The following RANBP2 variants were observed in gnomAD, a reference collection of about 807,000 sequenced individuals.
RANBP2 encodes the protein RAN binding protein 2.
Under a neutral mutation model 303.6 loss-of-function variants are expected in RANBP2, and 57 were observed. That is an observed-to-expected ratio of 0.19 (90% CI 0.15 to 0.23). The LOEUF (loss-of-function observed/expected upper bound fraction) is 0.23. Ranked by LOEUF, RANBP2 falls within the 10% of genes least tolerant of loss-of-function variation. The pLI is 1.00. For synonymous variants in RANBP2, 1,167 were observed against 1,301.5 expected (o/e 0.90, Z 2.23); for missense variants, 3,138 against 3,780.8 (o/e 0.83, Z 4.46).
the RANBP2 span, among the ~76,000 whole-genome samples, chr2:108,927,524 G>A: frequency 6.6e-6 from 1 of 152,180 alleles, no homozygotes; most frequent in Non-Finnish European, 1.5e-5. Flanking sequence ...TGGCCTTCGG[G>A]TACTGATGGA....
chr2:109,113,568 T>G, the RANBP2 span, among the ~76,000 whole-genome samples: 1 of 152,244 alleles, frequency 6.6e-6, no homozygotes, highest in Non-Finnish European at 1.5e-5. Context: ...TATACAATCA[T>G]GTCATCTGCA....
chr2:109,593,382 T>C, the RANBP2 span, among the ~76,000 whole-genome samples: 3 of 150,794 alleles, frequency 2.0e-5, no homozygotes, highest in African/African-American at 4.9e-5. Context: ...TTAGTAAACT[T>C]CCATTTACAA....
At chr2:109,105,776 C>T in the RANBP2 span, among the ~76,000 whole-genome samples, 9 of 151,590 alleles carry the variant, frequency 5.9e-5, no homozygotes, top group African/African-American at 1.2e-4. Flanking sequence ...AGGCTGGTCT[C>T]GAACTCCTGA....
chr2:109,501,549 G>C, the RANBP2 span: 1 of 779,444 alleles, frequency 1.3e-6, no homozygotes, highest in African/African-American at 1.7e-5. Flanking sequence ...GGCGGAGATC[G>C]AGCTGAAGGA....
At chr2:108,773,860 G>C (rs1308564759) in intron 23 of RANBP2, among the ~76,000 whole-genome samples, 1 of 152,134 alleles carries the variant, frequency 6.6e-6, no homozygotes, top group Non-Finnish European at 1.5e-5. Context: ...TGTTGACCAG[G>C]ATGGTCTCAA....
chr2:109,636,967 A>T, the RANBP2 span, among the ~76,000 whole-genome samples: 1 of 152,188 alleles, frequency 6.6e-6, no homozygotes, highest in Non-Finnish European at 1.5e-5. Context: ...ACCAGCGCTC[A>T]GCATACCAAG....
the RANBP2 span, among the ~76,000 whole-genome samples, chr2:108,956,559 G>C: frequency 6.6e-6 from 1 of 152,190 alleles, no homozygotes; most frequent in African/African-American, 2.4e-5. Context: ...AAGGCACAAG[G>C]CTCCCTTGGG....
At chr2:109,452,449 C>G in the RANBP2 span, among the ~76,000 whole-genome samples, 4 of 152,210 alleles carry the variant, frequency 2.6e-5, no homozygotes, top group African/African-American at 9.6e-5. Flanking sequence ...CTCCTCACTC[C>G]CACATCCACT....
chr2:109,300,261 C>T, the RANBP2 span, among the ~76,000 whole-genome samples: 1 of 152,068 alleles, frequency 6.6e-6, no homozygotes, highest in African/African-American at 2.4e-5. Context: ...GTGCAGTGAA[C>T]CTCCACCTCC....
At chr2:109,212,329 A>G in the RANBP2 span, among the ~76,000 whole-genome samples, 42 of 152,230 alleles carry the variant, frequency 2.8e-4, no homozygotes, top group African/African-American at 9.9e-4. Flanking sequence ...TTTCAATTAG[A>G]GTCTGACCAT....
At chr2:109,370,014 C>T in the RANBP2 span, among the ~76,000 whole-genome samples, 3 of 152,226 alleles carry the variant, frequency 2.0e-5, no homozygotes, top group Non-Finnish European at 4.4e-5. Context: ...TCAAGTCACA[C>T]ATGGGCCAGC....
At chr2:108,774,497 C>G (rs1208678323) in intron 23 of RANBP2, among the ~76,000 whole-genome samples, 1 of 152,108 alleles carries the variant, frequency 6.6e-6, no homozygotes, top group Non-Finnish European at 1.5e-5. Context: ...ATACTGGTAT[C>G]ATAAAATGAA....
the RANBP2 span, among the ~76,000 whole-genome samples, chr2:108,950,362 C>T: frequency 1.3e-5 from 2 of 151,988 alleles, no homozygotes; most frequent in African/African-American, 2.4e-5. Context: ...ATGATCCTCC[C>T]GCCTCAGCCT....
chr2:109,272,122 G>A, the RANBP2 span, among the ~76,000 whole-genome samples: 1 of 152,230 alleles, frequency 6.6e-6, no homozygotes, highest in Non-Finnish European at 1.5e-5. Context: ...CTGGCCAGCT[G>A]TCGGAGCTGG....
the RANBP2 span, among the ~76,000 whole-genome samples, chr2:109,639,839 T>A: frequency 6.6e-6 from 1 of 150,990 alleles, no homozygotes; most frequent in African/African-American, 2.4e-5. Context: ...GCATCCTGAG[T>A]AGCTGCGATT....
rs1252475294 is a variant in RANBP2 at position 108,766,395 on chromosome 2, A to G, written c.5856A>G (p.Lys1952=). The change falls in exon 20 of 29, where the codon AAA becomes AAG. Residue 1952 remains lysine, a synonymous_variant. Transcript: ENST00000283195. ...SSTFTFADLA[K]STSGEGFQFG... Reference sequence around the variant, plus strand: ...CTTTTACATTTGCAGATCTTGCAAAATCAACTTCAGGAGAAGGATTTCAGT... The same window carrying G: ...CTTTTACATTTGCAGATCTTGCAAAGTCAACTTCAGGAGAAGGATTTCAGT... The G allele has an allele frequency of 2.5e-6, 4 of 1,612,004 alleles. 1 individual carries two copies. The highest frequency in any genetic ancestry group is 2.7e-5 in the African/African-American group (2 of 74,974).
the RANBP2 span, among the ~76,000 whole-genome samples, chr2:108,864,601 G>T: frequency 8.5e-5 from 13 of 152,114 alleles, no homozygotes; most frequent in South Asian, 1.5e-3. Flanking sequence ...ATCGAGAGCA[G>T]CCTGGCTAAC....
chr2:109,705,959 G>A, the RANBP2 span, among the ~76,000 whole-genome samples: 2 of 152,160 alleles, frequency 1.3e-5, no homozygotes, highest in African/African-American at 4.8e-5. Flanking sequence ...GCAGGTAAAG[G>A]TATCCCTAGT....
At chr2:109,200,432 T>A in the RANBP2 span, among the ~76,000 whole-genome samples, 1 of 152,186 alleles carries the variant, frequency 6.6e-6, no homozygotes, top group African/African-American at 2.4e-5. Context: ...GGCTTCTGTG[T>A]CCTGTGTGGT....
Sources: gnomAD v4.1 joint callset for allele counts (sites outside exome capture counted in the v4.1 genomes callset) on GRCh38, gnomAD v4.1.1 for gene constraint, MANE v1.5 for transcripts, NCBI Gene and HGNC (gene_info 2026-07-23, HGNC 2026-07-21) for gene names.